LRRC7: variants seen among roughly 807,000 people sequenced by gnomAD.
The protein encoded by LRRC7 is leucine rich repeat containing 7.
Under a neutral mutation model 175.7 loss-of-function variants are expected in LRRC7, and 23 were observed. The ratio of observed to expected loss-of-function variants is 0.13; its 90% CI spans 0.09 to 0.19. The LOEUF is 0.19. LRRC7 is among the 10% of genes least tolerant of loss of function. The pLI is 1.00. For synonymous variants in LRRC7, 685 were observed against 680.9 expected (o/e 1.01, Z -0.09); for missense variants, 1,354 against 1,904.7 (o/e 0.71, Z 5.38).
At chr1:70,117,858 C>T (rs1665960407) in intron 26 of LRRC7, among the ~76,000 whole-genome samples, 1 of 151,994 alleles carries the variant, frequency 6.6e-6, no homozygotes, top group South Asian at 2.1e-4. Context: ...ATATAGGTAG[C>T]CAAATGCAGC....
In LRRC7 at chr1:70,126,257, C is replaced by T. The variant is rs1666451763; in HGVS notation, c.*4370C>T. The stretch of plus-strand genomic sequence containing the variant: ...ACATATTTGACTAATTTGTGATATG[C>T]CGACCAAACAGCAAGTTTATTGGCA... On this transcript the variant is annotated 3_prime_UTR_variant, in exon 27 of 27. Coordinates refer to ENST00000651989, the MANE Select transcript of LRRC7 (RefSeq NM_001370785.2). Among the ~76,000 whole-genome samples, 1 of 151,892 alleles carries T rather than the reference C, an allele frequency of 6.6e-6. No homozygotes were observed. The highest frequency in any genetic ancestry group is 1.5e-5 in the Non-Finnish European group (1 of 68,016).
intron 1 of LRRC7, among the ~76,000 whole-genome samples, chr1:69,621,759 T>G (rs1236913431): frequency 6.6e-6 from 1 of 152,206 alleles, no homozygotes; most frequent in Non-Finnish European, 1.5e-5. Context: ...GCCTCTTTCC[T>G]TACTGCCATG....
At chr1:69,948,781 G>A (rs929905539) in intron 8 of LRRC7, among the ~76,000 whole-genome samples, 1 of 152,156 alleles carries the variant, frequency 6.6e-6, no homozygotes, top group Non-Finnish European at 1.5e-5. Context: ...AAGGCCTAAA[G>A]CTTTACTTGA....
At chr1:69,791,923 C>A in intron 3 of LRRC7, 120 bp from the exon 4 acceptor site, 1 of 622,856 alleles carries the variant, frequency 1.6e-6, no homozygotes, top group Non-Finnish European at 2.9e-6. Flanking sequence ...GGAAGTGAGG[C>A]TTTTATAACT....
chr1:69,660,159 T>A (rs538368519), intron 1 of LRRC7, among the ~76,000 whole-genome samples: 5 of 152,052 alleles, frequency 3.3e-5, no homozygotes, highest in Admixed American at 3.3e-4. Flanking sequence ...TCTGCAACTA[T>A]ATTATCAGAT....
intron 4 of LRRC7, among the ~76,000 whole-genome samples, chr1:69,823,575 T>G (rs1679553089): frequency 6.6e-6 from 1 of 152,126 alleles, no homozygotes; most frequent in South Asian, 2.1e-4. Flanking sequence ...ACACGCACAT[T>G]AATAATGTAT....
chr1:69,810,227 A>G (rs1291994130), intron 4 of LRRC7, among the ~76,000 whole-genome samples: 2 of 152,166 alleles, frequency 1.3e-5, no homozygotes, highest in African/African-American at 2.4e-5. Context: ...AATGTGAAGG[A>G]CCTCTTCAAG....
At chr1:69,670,668 T>A (rs530765299) in intron 1 of LRRC7, among the ~76,000 whole-genome samples, 1 of 152,140 alleles carries the variant, frequency 6.6e-6, no homozygotes, top group African/African-American at 2.4e-5. Flanking sequence ...TCAAAAACCT[T>A]AGGAGTATAC....
At chr1:69,678,627 A>T in intron 2 of LRRC7, 149 bp downstream of exon 2, 2 of 604,776 alleles carry the variant, frequency 3.3e-6, no homozygotes, top group Non-Finnish European at 5.9e-6. Flanking sequence ...ACCATATGTT[A>T]CCTGAATGTA....
rs149091576 is a variant in LRRC7 at position 70,132,457 on chromosome 1, CTTTTTTTTTT to C, written c.*10587_*10596del. On this transcript the variant is annotated 3_prime_UTR_variant, in exon 27 of 27. Coordinates refer to ENST00000651989, the MANE Select transcript of LRRC7 (RefSeq NM_001370785.2). Reference sequence around the variant, plus strand: ...TTTCTTTTTTCTTTTCTTTTCTTTTCTTTTTTTTTTTTTTTTTTTTTTTTTTGAGACGGAG... The same window carrying C: ...TTTCTTTTTTCTTTTCTTTTCTTTTCTTTTTTTTTTTTTTTTGAGACGGAG... 5.2e-5 allele frequency among the ~76,000 whole-genome samples: 4 copies of C among 76,450 alleles called. No homozygotes were observed. The highest frequency in any genetic ancestry group is 5.7e-4 in the South Asian group (1 of 1,764). The allele number at this position is 76,450 out of a possible 152,430, so 50.2% of individuals were successfully genotyped here.
chr1:69,571,298 A>G (rs1010230141), intron 1 of LRRC7, among the ~76,000 whole-genome samples: 7 of 152,214 alleles, frequency 4.6e-5, no homozygotes, highest in African/African-American at 1.7e-4. Flanking sequence ...TCAGAATTTT[A>G]GTGCAGCTTT....
chr1:69,705,254 G>A (rs1452925612), intron 2 of LRRC7, among the ~76,000 whole-genome samples: 31 of 151,978 alleles, frequency 2.0e-4, no homozygotes, highest in Non-Finnish European at 2.5e-4. Context: ...CCTTCTCTTT[G>A]TTCCAGAATT....
intron 3 of LRRC7, among the ~76,000 whole-genome samples, chr1:69,770,729 C>T (rs1014818333): frequency 6.6e-6 from 1 of 152,244 alleles, no homozygotes; most frequent in South Asian, 2.1e-4. Flanking sequence ...ACACTAATTC[C>T]CTTAAGGGTT....
chr1:69,887,272 G>T (rs1645665730), intron 7 of LRRC7, among the ~76,000 whole-genome samples: 1 of 125,052 alleles, frequency 8.0e-6, no homozygotes. Flanking sequence ...ACGTAGATTT[G>T]GTCTTTTCAC....
intron 22 of LRRC7, among the ~76,000 whole-genome samples, chr1:70,050,553 C>G (rs1660670671): frequency 6.6e-6 from 1 of 151,838 alleles, no homozygotes; most frequent in Non-Finnish European, 1.5e-5. Context: ...TTAAAATATC[C>G]AAAGAAAATA....
At chr1:69,683,531 T>C (rs374569408) in intron 2 of LRRC7, among the ~76,000 whole-genome samples, 28 of 152,288 alleles carry the variant, frequency 1.8e-4, no homozygotes, top group African/African-American at 5.3e-4. Flanking sequence ...AAACTGGCTT[T>C]CTTATAATTG....
chr1:69,632,285 ACT>A (rs1652634680), intron 1 of LRRC7, among the ~76,000 whole-genome samples: 1 of 151,932 alleles, frequency 6.6e-6, no homozygotes, highest in Non-Finnish European at 1.5e-5. Flanking sequence ...TCCACACTAG[ACT>A]CTGAGCTATG....
intron 4 of LRRC7, among the ~76,000 whole-genome samples, chr1:69,817,350 C>T (rs1380974604): frequency 6.6e-6 from 1 of 151,702 alleles, no homozygotes; most frequent in Non-Finnish European, 1.5e-5. Flanking sequence ...ATTCTTCTAC[C>T]TGTGGGTTTC....
rs371107528 is a variant in LRRC7, at chr1:70,138,617, C to G, written c.*16730C>G. ...GTTGAGAGGATTAATCAAATTGTTTCAAAATTTTTAAGGAGCCAAATTTAA... is the reference window on the plus strand; with the variant it reads ...GTTGAGAGGATTAATCAAATTGTTTGAAAATTTTTAAGGAGCCAAATTTAA... On this transcript the variant is annotated 3_prime_UTR_variant, in exon 27 of 27. Transcript: ENST00000651989. 1 of 152,150 alleles carries G rather than the reference C, an allele frequency of 6.6e-6. No homozygotes were observed. Among genetic ancestry groups the G allele is most frequent in the Admixed American group, 6.5e-5 (1 of 15,286 alleles). 9.4% of individuals were successfully genotyped at this position (152,150 alleles called of 1,614,324 possible). A position where few individuals can be genotyped will look rare whatever the true frequency, so the allele number is the denominator to read the frequency against.
Sources: allele counts gnomAD v4.1 joint callset (sites outside exome capture counted in the v4.1 genomes callset), GRCh38; gene constraint gnomAD v4.1.1; transcripts MANE v1.5; gene names NCBI Gene and HGNC (gene_info 2026-07-23, HGNC 2026-07-21).